Variants in ROS1 observed in about 807,000 individuals in gnomAD.
ROS1 encodes the protein proto-oncogene tyrosine-protein kinase ROS.
A neutral mutation model predicts 273.5 loss-of-function variants in ROS1; 263 were observed. The ratio of observed to expected loss-of-function variants is 0.96; its 90% CI spans 0.87 to 1.06. The LOEUF (loss-of-function observed/expected upper bound fraction) is 1.06, where lower values mean the gene tolerates loss of function less well. Among genes scored for constraint, ROS1 ranks in the 50% least tolerant of loss-of-function variants. The pLI is 0.00. For missense variants in ROS1, 2,833 were observed against 2,751.1 expected (o/e 1.03, Z -0.67); for synonymous variants, 1,008 against 954.1 (o/e 1.06, Z -1.04).
At chr6:117,403,745 G>A (rs1405727752) in intron 6 of ROS1, among the ~76,000 whole-genome samples, 5 of 151,902 alleles carry the variant, frequency 3.3e-5, no homozygotes, top group Non-Finnish European at 1.5e-5. Flanking sequence ...CTGTACTGAA[G>A]GAATAGTATA....
Position 117,344,069 on chromosome 6 carries a change from A to T in ROS1, c.4497T>A (p.Tyr1499Ter). The T allele has an allele frequency of 6.2e-7, 1 of 1,612,024 alleles. No individual in the cohort carries two copies. Among genetic ancestry groups the T allele is most frequent in the Non-Finnish European group, 8.5e-7 (1 of 1,178,116 alleles). The stretch of plus-strand genomic sequence containing the variant: ...CTAGTTCCAATCTTACCAGAATTCT[A>T]TATTTCAAGTCAGAGCTGTTTTTCC... ...NDRKNSSDLK[Y>*]RILEFQDSIA... The change falls in exon 28 of 44, where the codon TAT becomes TAA. Residue 1499 changes from tyrosine to a stop codon, truncating the protein, a stop_gained. Transcript: ENST00000368507. LOFTEE classifies it high-confidence loss of function.
rs112010144 is a variant in ROS1 at position 117,288,236 on chromosome 6, A to G, written c.*256T>C. The G allele has an allele frequency of 1.3e-3, 614 of 486,958 alleles. 5 individuals carry two copies. The highest frequency in any genetic ancestry group is 0.011 in the African/African-American group (559 of 51,202). The allele number at this position is 486,958 out of a possible 1,614,324, so 30.2% of individuals were successfully genotyped here. A position where few individuals can be genotyped will look rare whatever the true frequency, so the allele number is the denominator to read the frequency against. On this transcript the variant is annotated 3_prime_UTR_variant, in exon 44 of 44. Transcript: ENST00000368507. ...GAAGGGAGAGCAGTGTTTCCCTTCC[A>G]GACTTCTGAGTCTTCCTAAGCTTTC...
At chr6:117,318,054 T>C in intron 38 of ROS1, 134 bp downstream of exon 38, 1 of 677,898 alleles carries the variant, frequency 1.5e-6, no homozygotes, top group South Asian at 1.8e-5. Context: ...TCTGCAGATG[T>C]AGTTCCATTT....
At chr6:117,406,175 A>T (rs759328344) in intron 5 of ROS1, among the ~76,000 whole-genome samples, 5 of 151,992 alleles carry the variant, frequency 3.3e-5, no homozygotes, top group Non-Finnish European at 5.9e-5. Flanking sequence ...ATATATATAC[A>T]CACACACATA....
At chr6:117,355,784 T>G (rs751495369) in intron 26 of ROS1, among the ~76,000 whole-genome samples, 2 of 152,018 alleles carry the variant, frequency 1.3e-5, no homozygotes. Flanking sequence ...CTAATTTTTG[T>G]ATTTTTAGTA....
intron 14 of ROS1, 94 bp downstream of exon 14, chr6:117,387,686 C>G (rs1301448895): frequency 7.6e-7 from 1 of 1,318,570 alleles, no homozygotes; most frequent in Non-Finnish European, 1.0e-6. Flanking sequence ...CCCTCATTCT[C>G]ATTTCTTTAA....
intron 42 of ROS1, among the ~76,000 whole-genome samples, chr6:117,308,413 T>C (rs989361748): frequency 6.6e-6 from 1 of 152,116 alleles, no homozygotes; most frequent in African/African-American, 2.4e-5. Context: ...AATATTTTAA[T>C]ATGTAGATTA....
Position 117,310,100 on chromosome 6 carries a change from T to C in ROS1, c.6397A>G (p.Thr2133Ala). 6.2e-7 allele frequency: 1 copy of C among 1,613,388 alleles called. No individual in the cohort carries two copies. The highest frequency in any genetic ancestry group is 8.5e-7 in the Non-Finnish European group (1 of 1,179,484). Reference sequence around the variant, plus strand: ...ACTTACCATACATCAGATTGAGTAGTGAAGATTCCATCCATCAAACTTTCT... The same window carrying C: ...ACTTACCATACATCAGATTGAGTAGCGAAGATTCCATCCATCAAACTTTCT... ...APESLMDGIFTTQSDVWSFGI... is the reference protein window; with the variant it reads ...APESLMDGIFATQSDVWSFGI... The change falls in exon 41 of 44, where the codon ACT (threonine) becomes GCT (alanine). Residue 2133 changes from threonine to alanine, a missense_variant. By Grantham distance (58) the Thr-to-Ala change is moderately conservative (BLOSUM62 0). Transcript: ENST00000368507.
At position 117,362,790 on chromosome 6, in the gene ROS1, A is replaced by G. The variant is rs776246659; in HGVS notation, c.3179T>C (p.Val1060Ala). The G allele has an allele frequency of 5.0e-6, 8 of 1,613,606 alleles. No homozygotes were observed. The African/African-American group carries it at 9.3e-5, about 19-fold the overall frequency. ...GKCCNKNEVV[V>A]EFRWNKPKHE... ...CTTAGGTTTGTTCCACCTAAATTCC[A>G]CCACAACTTCATTCTTGTTGCAGCA... Residue 1060 changes from valine (V) to alanine (A), a missense_variant, in exon 22 of 44, where the codon GTG (valine) becomes GCG (alanine). Val to Ala is a moderately conservative substitution (Grantham distance 64). Coordinates refer to ENST00000368507, the MANE Select transcript of ROS1 (RefSeq NM_001378902.1).
At chr6:117,312,913 G>A (rs1775650478) in intron 39 of ROS1, among the ~76,000 whole-genome samples, 1 of 152,130 alleles carries the variant, frequency 6.6e-6, no homozygotes, top group Admixed American at 6.5e-5. Context: ...CTTTGGTTGT[G>A]TCTGAATCAG....
Position 117,332,162 on chromosome 6 carries a change from A to G in ROS1, c.5231-2716T>C, listed in dbSNP as rs141715278. Among the ~76,000 whole-genome samples, 1,049 of 151,194 alleles carry G rather than the reference A, an allele frequency of 6.9e-3. 4 individuals are homozygous for G. The highest frequency in any genetic ancestry group is 0.011 in the Non-Finnish European group (734 of 67,862). The stretch of plus-strand genomic sequence containing the variant: ...TGAGGAAAATTTACCAAGCATATGG[A>G]AAGCAAAAAAAAAAAAAAAGAGGGT... On this transcript the variant is annotated intron_variant, in intron 32 of 43. Coordinates refer to ENST00000368507, the MANE Select transcript of ROS1 (RefSeq NM_001378902.1).
intron 12 of ROS1, among the ~76,000 whole-genome samples, chr6:117,391,995 C>T (rs548576442): frequency 7.9e-5 from 12 of 152,184 alleles, no homozygotes; most frequent in South Asian, 2.1e-4. Context: ...TCCATTTTAT[C>T]CTAATGGAAA....
In ROS1 at chr6:117,318,233, G is replaced by T. The variant is rs758011864; in HGVS notation, c.5942C>A (p.Thr1981Lys). 6.2e-7 allele frequency: 1 copy of T among 1,612,736 alleles called. No individual in the cohort carries two copies. Among genetic ancestry groups the T allele is most frequent in the African/African-American group, 1.3e-5 (1 of 75,002 alleles). ...VAVKTLKKGS[T>K]DQEKIEFLKE... Reference sequence around the variant, plus strand: ...CAGGAATTCAATCTTCTCCTGGTCTGTGGAACCCTTCTTCAAAGTCTATAC... The same window carrying T: ...CAGGAATTCAATCTTCTCCTGGTCTTTGGAACCCTTCTTCAAAGTCTATAC... Residue 1981 changes from threonine (T) to lysine (K), a missense_variant, in exon 38 of 44, where the codon ACA becomes AAA. Thr to Lys is a moderately conservative substitution (Grantham distance 78). Coordinates refer to ENST00000368507, the MANE Select transcript of ROS1 (RefSeq NM_001378902.1).
Position 117,288,800 on chromosome 6 carries a change from C to T in ROS1, c.6718G>A (p.Glu2240Lys), listed in dbSNP as rs1412107750. 6.3e-7 allele frequency: 1 copy of T among 1,582,820 alleles called. No homozygotes were observed. The highest frequency in any genetic ancestry group is 8.6e-7 in the Non-Finnish European group (1 of 1,167,300). ...SGVINESFEG[E>K]DGDVICLNSD... ...TTCAAACAAATCACATCGCCATCTT[C>T]ACCTGTGAAAAAAATATGAATGTTA... The change falls in exon 44 of 44, where the codon GAA (glutamate) becomes AAA (lysine). Residue 2240 changes from glutamate (E) to lysine (K), a missense_variant and splice_region_variant. By Grantham distance (56) the Glu-to-Lys change is moderately conservative. Coordinates refer to ENST00000368507, the MANE Select transcript of ROS1 (RefSeq NM_001378902.1).
chr6:117,392,493 T>C (rs896723669), intron 12 of ROS1, among the ~76,000 whole-genome samples: 1 of 152,200 alleles, frequency 6.6e-6, no homozygotes, highest in African/African-American at 2.4e-5. Context: ...CAAAATAACT[T>C]TCTATGTGTT....
At chr6:117,295,087 A>G (rs1774122391) in intron 43 of ROS1, among the ~76,000 whole-genome samples, 2 of 152,206 alleles carry the variant, frequency 1.3e-5, no homozygotes, top group African/African-American at 2.4e-5. Flanking sequence ...CCAAAACAGC[A>G]TAGTGCTGGC....
At chr6:117,293,667 G>T (rs1279964353) in intron 43 of ROS1, among the ~76,000 whole-genome samples, 1 of 152,000 alleles carries the variant, frequency 6.6e-6, no homozygotes, top group Non-Finnish European at 1.5e-5. Flanking sequence ...GAGATTACTG[G>T]AAAAGTTACA....
chr6:117,402,258 T>C (rs1348587098), intron 7 of ROS1, among the ~76,000 whole-genome samples: 1 of 152,154 alleles, frequency 6.6e-6, no homozygotes, highest in African/African-American at 2.4e-5. Context: ...TTCTAGTTGC[T>C]CCTTGATCAG....
chr6:117,357,824 AAAAGAAATTATT>A lies in ROS1; in HGVS notation c.3807_3818del (p.Ile1270_Phe1273del). On this transcript the variant is annotated inframe_deletion, in exon 25 of 44. Transcript: ENST00000368507. ...CATACCTTAAAAGAGGATATACAGA[AAAAGAAATTATT>A]GTTGAATTCCTATTGTGAATCTTCA... is the stretch of plus-strand genomic sequence containing the variant. 6.2e-7 allele frequency: 1 copy of A among 1,610,844 alleles called. No individual in the cohort carries two copies. The highest frequency in any genetic ancestry group is 8.5e-7 in the Non-Finnish European group (1 of 1,177,920).
Sources: allele counts gnomAD v4.1 joint callset (sites outside exome capture counted in the v4.1 genomes callset), GRCh38; gene constraint gnomAD v4.1.1; transcripts MANE v1.5; gene names NCBI Gene and HGNC (gene_info 2026-07-23, HGNC 2026-07-21).